The following PCM1 variants were observed in gnomAD, a reference collection of about 807,000 sequenced individuals.
PCM1 encodes pericentriolar material 1, also known as pericentriolar material 1 protein.
Under a neutral mutation model 241.9 loss-of-function variants are expected in PCM1, and 157 were observed. That is an observed-to-expected ratio of 0.65 (90% CI 0.57 to 0.74). The LOEUF (loss-of-function observed/expected upper bound fraction) is 0.74. PCM1 is among the 30% of genes least tolerant of loss of function. The pLI is 0.00. For synonymous variants in PCM1, 1,085 were observed against 784.9 expected (o/e 1.38, Z -6.39); for missense variants, 3,478 against 2,360.1 (o/e 1.47, Z -9.81).
At chr8:17,965,599 T>C (rs1587087159) in intron 18 of PCM1, among the ~76,000 whole-genome samples, 1 of 152,242 alleles carries the variant, frequency 6.6e-6, no homozygotes, top group East Asian at 1.9e-4. Flanking sequence ...GTTATTACAT[T>C]GTTACTAATA....
chr8:18,004,523 A>C (rs1032824150), intron 29 of PCM1, among the ~76,000 whole-genome samples: 2 of 147,104 alleles, frequency 1.4e-5, no homozygotes, highest in Non-Finnish European at 3.1e-5. Context: ...AGGAAATGAA[A>C]TAATAAATAC....
At chr8:17,965,495 ATC>A (rs2074490823) in intron 18 of PCM1, among the ~76,000 whole-genome samples, 1 of 152,234 alleles carries the variant, frequency 6.6e-6, no homozygotes, top group African/African-American at 2.4e-5. Flanking sequence ...GTTCCAGTAG[ATC>A]CAGGTAAACT....
At position 17,966,156 on chromosome 8, in the gene PCM1, C is replaced by A. The variant is rs200295808; in HGVS notation, c.3013C>A (p.Gln1005Lys). Reference sequence around the variant, plus strand: ...AGAACAATGGCAAGAACAAATCAATCAGCTAAAGAAACAGCTTGATTTTAG... The same window carrying A: ...AGAACAATGGCAAGAACAAATCAATAAGCTAAAGAAACAGCTTGATTTTAG... ...EKEQWQEQINQLKKQLDFSVS... is the reference protein window; with the variant it reads ...EKEQWQEQINKLKKQLDFSVS... Residue 1005 changes from glutamine (Q) to lysine (K), a missense_variant, in exon 19 of 39, where the codon CAG becomes AAG. Gln to Lys is a moderately conservative substitution (Grantham distance 53, BLOSUM62 1). Coordinates refer to ENST00000325083, the MANE Select transcript of PCM1 (RefSeq NM_006197.4). 1.9e-6 allele frequency: 3 copies of A among 1,613,824 alleles called. No homozygotes were observed. Among genetic ancestry groups the A allele is most frequent in the Admixed American group, 1.7e-5 (1 of 60,000 alleles).
In PCM1 at chr8:17,956,861, A is replaced by G; in HGVS notation, c.1646+84A>G. The G allele has an allele frequency of 3.7e-6, 4 of 1,067,312 alleles. No individual in the cohort carries two copies. The South Asian group carries it at 5.8e-5, about 15-fold the overall frequency. 66.1% of individuals were successfully genotyped at this position (1,067,312 alleles called of 1,614,324 possible). A position where few individuals can be genotyped will look rare whatever the true frequency, so the allele number is the denominator to read the frequency against. Reference sequence around the variant, plus strand: ...TGTGGGAACAAAAATACTTCGTTGTAGTATTTACTATTTGCCTTTTATTTA... The same window carrying G: ...TGTGGGAACAAAAATACTTCGTTGTGGTATTTACTATTTGCCTTTTATTTA... On this transcript the variant is annotated intron_variant, in intron 11 of 38. Coordinates refer to ENST00000325083, the MANE Select transcript of PCM1 (RefSeq NM_006197.4).
rs412750 is a variant in PCM1 at position 17,938,873 on chromosome 8, A to G, written c.476A>G (p.Asn159Ser). 0.77 allele frequency: 1,242,461 copies of G among 1,611,776 alleles called. 483,434 individuals carry two copies. The highest frequency in any genetic ancestry group is 0.83 in the African/African-American group (62,415 of 74,836). ...NTNKSKDASTNPPNRETIGSA... is the reference protein window; with the variant it reads ...NTNKSKDASTSPPNRETIGSA... ...AACAAGAGCAAAGATGCATCTACAA[A>G]CCCCCCAAACAGAGAAACGATTGGA... is the stretch of plus-strand genomic sequence containing the variant. The change falls in exon 5 of 39, where the codon AAC (asparagine) becomes AGC (serine). Residue 159 changes from asparagine (N) to serine (S), a missense_variant. Asn to Ser is a conservative substitution (Grantham distance 46, BLOSUM62 1). Transcript: ENST00000325083.
At chr8:17,938,377 C>G (rs1253151236) in intron 4 of PCM1, among the ~76,000 whole-genome samples, 1 of 151,998 alleles carries the variant, frequency 6.6e-6, no homozygotes, top group African/African-American at 2.4e-5. Flanking sequence ...GGTCTCTTTC[C>G]TAAGATATAT....
intron 26 of PCM1, among the ~76,000 whole-genome samples, chr8:17,988,148 T>C (rs1313350602): frequency 1.3e-5 from 2 of 151,710 alleles, no homozygotes; most frequent in African/African-American, 4.8e-5. Context: ...GATAATAAAA[T>C]GGTAAAAGCA....
Position 17,991,634 on chromosome 8 carries a change from T to C in PCM1, c.4624T>C (p.Cys1542Arg). 2 of 1,575,262 alleles carry C rather than the reference T, an allele frequency of 1.3e-6. No individual in the cohort carries two copies. The highest frequency in any genetic ancestry group is 2.3e-5 in the South Asian group (2 of 85,730). ...GGCTGAAAGTAACTCAAATATGAGA[T>C]GCACCTGCAGGATTATTGAGGATGG... The part of the protein sequence containing the change: ...TEAESNSNMR[C>R]TCRIIEDGDG... Residue 1542 changes from cysteine to arginine, a missense_variant, in exon 28 of 39, where the codon TGC (cysteine) becomes CGC (arginine). By Grantham distance (180) the Cys-to-Arg change is radical (BLOSUM62 -3). Coordinates refer to ENST00000325083, the MANE Select transcript of PCM1 (RefSeq NM_006197.4).
At chr8:17,927,677 A>C (rs948994840) in intron 2 of PCM1, 18 of 151,938 alleles carry the variant, frequency 1.2e-4, no homozygotes, top group African/African-American at 4.4e-4. Context: ...CAGCCTCCCT[A>C]GTAGCTGGGA....
At chr8:18,011,416 C>T in intron 33 of PCM1, 50 bp downstream of exon 33, 1 of 1,412,182 alleles carries the variant, frequency 7.1e-7, no homozygotes, top group Non-Finnish European at 9.4e-7. Context: ...TTTTGTAGGT[C>T]ATTTATTGGA....
Position 17,947,349 on chromosome 8 carries a change from T to C in PCM1, c.947T>C (p.Val316Ala), listed in dbSNP as rs1350051314. ...CATAAAGCAGAGCAAGCTATTGCAG[T>C]GATGGATGATTCTGGTATGTCACAG... ...LQHKAEQAIA[V>A]MDDSVVAETA... Residue 316 changes from valine to alanine, a missense_variant, in exon 7 of 39, where the codon GTG becomes GCG. Coordinates refer to ENST00000325083, the MANE Select transcript of PCM1 (RefSeq NM_006197.4). The C allele has an allele frequency of 1.3e-6, 2 of 1,592,728 alleles. No homozygotes were observed. Among genetic ancestry groups the C allele is most frequent in the South Asian group, 2.3e-5 (2 of 86,646 alleles).
Position 18,025,679 on chromosome 8 carries a change from T to C in PCM1, c.6049+21T>C, listed in dbSNP as rs1004869331. On this transcript the variant is annotated intron_variant, in intron 38 of 38. Coordinates refer to ENST00000325083, the MANE Select transcript of PCM1 (RefSeq NM_006197.4). ...ACCTGGTAAGAGTTATCAATTTAAATCTTGCCATATTGAAAAATCATTGAA... is the reference window on the plus strand; with the variant it reads ...ACCTGGTAAGAGTTATCAATTTAAACCTTGCCATATTGAAAAATCATTGAA... 2.3e-6 allele frequency: 3 copies of C among 1,332,248 alleles called. No homozygotes were observed. In the African/African-American group the frequency reaches 4.4e-5, roughly 20 times the overall value. The allele number at this position is 1,332,248 out of a possible 1,614,324, so 82.5% of individuals were successfully genotyped here. A position where few individuals can be genotyped will look rare whatever the true frequency, so the allele number is the denominator to read the frequency against.
intron 31 of PCM1, among the ~76,000 whole-genome samples, 173 bp from the exon 32 acceptor site, chr8:18,010,436 G>T (rs1002556963): frequency 1.3e-5 from 2 of 152,146 alleles, no homozygotes; most frequent in African/African-American, 4.8e-5. Flanking sequence ...TTCAGACGTT[G>T]CTAAGAGCTT....
intron 36 of PCM1, among the ~76,000 whole-genome samples, chr8:18,023,864 C>G (rs527822577): frequency 8.5e-5 from 13 of 152,278 alleles, no homozygotes; most frequent in Admixed American, 5.9e-4. Flanking sequence ...TGACTGAATC[C>G]CAACATAACT....
At chr8:17,952,174 G>C (rs1296181777) in intron 8 of PCM1, among the ~76,000 whole-genome samples, 1 of 151,892 alleles carries the variant, frequency 6.6e-6, no homozygotes, top group Admixed American at 6.6e-5. Context: ...AGTGAGTTGA[G>C]ATCACGCCAC....
rs550758697 is a variant in PCM1 at position 18,006,807 on chromosome 8, G to C, written c.4962+410G>C. 2.6e-5 allele frequency among the ~76,000 whole-genome samples: 4 copies of C among 152,304 alleles called. No homozygotes were observed. The South Asian group carries it at 8.3e-4, about 32-fold the overall frequency. ...TGTAGAGACTTTTTAGGGTGTACCA[G>C]TACGCTTAAATTATAGTAAGTCAGT... On this transcript the variant is annotated intron_variant, in intron 30 of 38. Coordinates refer to ENST00000325083, the MANE Select transcript of PCM1 (RefSeq NM_006197.4).
intron 9 of PCM1, among the ~76,000 whole-genome samples, chr8:17,953,602 C>A (rs2066888320): frequency 6.6e-6 from 1 of 151,974 alleles, no homozygotes; most frequent in African/African-American, 2.4e-5. Flanking sequence ...AAACAAAAAA[C>A]AAAACTATGA....
Position 18,026,579 on chromosome 8 carries a change from T to C in PCM1, c.6049+921T>C, listed in dbSNP as rs558284398. 2.6e-5 allele frequency among the ~76,000 whole-genome samples: 4 copies of C among 152,196 alleles called. No homozygotes were observed. The East Asian group carries it at 7.7e-4, about 29-fold the overall frequency. ...CAGCCCAAAAACCCACTTTTTATTA[T>C]TGATTTTTAGTTCTTTAGGAGACTA... On this transcript the variant is annotated intron_variant, in intron 38 of 38. Transcript: ENST00000325083.
rs762829598 is a variant in PCM1 at position 17,957,709 on chromosome 8, G to C, written c.1974G>C (p.Lys658Asn). The change falls in exon 13 of 39, where the codon AAG becomes AAC. Residue 658 changes from lysine (K) to asparagine (N), a missense_variant. Lys to Asn is a moderately conservative substitution (Grantham distance 94, BLOSUM62 0). Transcript: ENST00000325083. ...EHPEDAEFEQKINRLMAAKQK... is the reference protein window; with the variant it reads ...EHPEDAEFEQNINRLMAAKQK... ...CAGAAGATGCTGAATTTGAACAGAA[G>C]ATCAACCGACTTATGGCTGCAAAAC... 9 of 1,613,248 alleles carry C rather than the reference G, an allele frequency of 5.6e-6. No individual in the cohort carries two copies. Among genetic ancestry groups the C allele is most frequent in the Middle Eastern group, 1.6e-4 (1 of 6,078 alleles).
Sources: gnomAD v4.1 joint callset for allele counts (sites outside exome capture counted in the v4.1 genomes callset) on GRCh38, gnomAD v4.1.1 for gene constraint, MANE v1.5 for transcripts, NCBI Gene and HGNC (gene_info 2026-07-23, HGNC 2026-07-21) for gene names.